DRC11: variants seen among roughly 807,000 people sequenced by gnomAD.
The protein encoded by DRC11 is IQ and AAA domain-containing protein 1.
chr2:236,349,466 G>A, the DRC11 span, among the ~76,000 whole-genome samples: 3 of 152,010 alleles, frequency 2.0e-5, no homozygotes, highest in Admixed American at 1.3e-4. This position sits in a 1 kb window ranked among gnomAD's most constrained non-coding sequence, Gnocchi z 5.5. Context: ...AACCATCTTC[G>A]CATCAACAAC....
the DRC11 span, among the ~76,000 whole-genome samples, chr2:236,360,107 C>G: frequency 6.6e-6 from 1 of 152,154 alleles, no homozygotes; most frequent in Non-Finnish European, 1.5e-5. The surrounding 1 kb of genome is among the most constrained non-coding windows in gnomAD (Gnocchi z 5.8). Flanking sequence ...CATCCTTGCT[C>G]TGTCCTAGAT....
chr2:236,449,006 C>T, the DRC11 span, among the ~76,000 whole-genome samples: 24 of 151,778 alleles, frequency 1.6e-4, no homozygotes, highest in African/African-American at 5.3e-4. This position sits in a 1 kb window ranked among gnomAD's most constrained non-coding sequence, Gnocchi z 5.1. Context: ...ATTATAGGTG[C>T]GTGCCACCAC....
the DRC11 span, among the ~76,000 whole-genome samples, chr2:236,462,414 G>C: frequency 6.6e-6 from 1 of 152,210 alleles, no homozygotes; most frequent in African/African-American, 2.4e-5. The surrounding 1 kb of genome is among the most constrained non-coding windows in gnomAD (Gnocchi z 6.4). Flanking sequence ...GCTCATGCCT[G>C]TAATCCCAGA....
the DRC11 span, among the ~76,000 whole-genome samples, chr2:236,317,297 G>A: frequency 2.0e-5 from 3 of 150,248 alleles, no homozygotes; most frequent in African/African-American, 2.5e-5. The surrounding 1 kb of genome is among the most constrained non-coding windows in gnomAD (Gnocchi z 5.4). Flanking sequence ...TCCATATCGG[G>A]GGAAAAAAAA....
chr2:236,491,151 TACAC>T, the DRC11 span, among the ~76,000 whole-genome samples: 2 of 72,808 alleles, frequency 2.7e-5, no homozygotes, highest in Non-Finnish European at 5.4e-5. Flanking sequence ...AGTATATATA[TACAC>T]ACAGTATATA....
At chr2:236,326,749 CTAG>C in the DRC11 span, among the ~76,000 whole-genome samples, 1 of 151,382 alleles carries the variant, frequency 6.6e-6, no homozygotes. Flanking sequence ...GTATTTAGCA[CTAG>C]ATTTCCTAAA....
chr2:236,318,617 T>C, the DRC11 span, among the ~76,000 whole-genome samples: 2 of 149,232 alleles, frequency 1.3e-5, no homozygotes, highest in African/African-American at 5.1e-5. The surrounding 1 kb of genome is among the most constrained non-coding windows in gnomAD (Gnocchi z 7.0). Context: ...GTACAGCATG[T>C]GGTGTGCATA....
the DRC11 span, among the ~76,000 whole-genome samples, chr2:236,496,905 AC>A: frequency 5.9e-5 from 9 of 152,288 alleles, no homozygotes; most frequent in East Asian, 1.7e-3. The surrounding 1 kb of genome is among the most constrained non-coding windows in gnomAD (Gnocchi z 6.3). Context: ...GGCAGACACT[AC>A]GATGTCAGGT....
chr2:236,356,468 C>T, the DRC11 span, among the ~76,000 whole-genome samples: 9 of 152,294 alleles, frequency 5.9e-5, no homozygotes, highest in East Asian at 1.9e-4. Flanking sequence ...CATGCGGAGC[C>T]GATGCTTCCC....
At chr2:236,327,373 A>G in the DRC11 span, among the ~76,000 whole-genome samples, 2 of 151,566 alleles carry the variant, frequency 1.3e-5, no homozygotes, top group African/African-American at 4.8e-5. Flanking sequence ...CTCCTGCCTC[A>G]GCCCGGGACT....
the DRC11 span, among the ~76,000 whole-genome samples, chr2:236,356,393 C>T: frequency 3.9e-5 from 6 of 152,132 alleles, no homozygotes; most frequent in Non-Finnish European, 7.4e-5. Context: ...CCCAGCAGAC[C>T]CGCTGGCCCA....
the DRC11 span, among the ~76,000 whole-genome samples, chr2:236,357,072 A>G: frequency 1.0e-5 from 1 of 99,226 alleles, no homozygotes; most frequent in Non-Finnish European, 2.2e-5. Flanking sequence ...ATATTCATAT[A>G]TTATATATCT....
the DRC11 span, among the ~76,000 whole-genome samples, chr2:236,423,412 A>G: frequency 1.3e-5 from 2 of 152,250 alleles, no homozygotes; most frequent in African/African-American, 4.8e-5. Flanking sequence ...ACACTTCTCA[A>G]AAGAAGACAT....
At chr2:236,449,577 T>G in the DRC11 span, among the ~76,000 whole-genome samples, 2 of 152,196 alleles carry the variant, frequency 1.3e-5, no homozygotes, top group Non-Finnish European at 2.9e-5. The surrounding 1 kb of genome is among the most constrained non-coding windows in gnomAD (Gnocchi z 5.1). Context: ...TCGGAGGCTG[T>G]GTGCCTGCCT....
chr2:236,404,454 T>G, the DRC11 span, among the ~76,000 whole-genome samples: 10 of 152,276 alleles, frequency 6.6e-5, no homozygotes, highest in Non-Finnish European at 1.2e-4. Flanking sequence ...CCTTCCTGAC[T>G]CCTATCCCCA....
chr2:236,461,021 A>G, the DRC11 span, among the ~76,000 whole-genome samples: 1 of 152,084 alleles, frequency 6.6e-6, no homozygotes, highest in Non-Finnish European at 1.5e-5. This position sits in a 1 kb window ranked among gnomAD's most constrained non-coding sequence, Gnocchi z 4.0. Context: ...CTCTCAAAGT[A>G]TAGGGATTAC....
chr2:236,452,574 C>T, the DRC11 span, among the ~76,000 whole-genome samples: 1 of 152,202 alleles, frequency 6.6e-6, no homozygotes, highest in Non-Finnish European at 1.5e-5. The surrounding 1 kb of genome is among the most constrained non-coding windows in gnomAD (Gnocchi z 4.7). Context: ...AGGCAATTGA[C>T]TGCACATGGA....
chr2:236,467,523 G>A, the DRC11 span, among the ~76,000 whole-genome samples: 1 of 152,156 alleles, frequency 6.6e-6, no homozygotes, highest in Admixed American at 6.5e-5. Context: ...TATATTCCCA[G>A]AATAGTTTCT....
chr2:236,424,488 G>A, the DRC11 span, among the ~76,000 whole-genome samples: 10 of 152,058 alleles, frequency 6.6e-5, no homozygotes, highest in East Asian at 1.9e-4. Flanking sequence ...CTGTTAACTA[G>A]CCAAGAAGAT....
Sources: gnomAD v4.1 joint callset for allele counts (sites outside exome capture counted in the v4.1 genomes callset) on GRCh38, gnomAD v4.1.1 for gene constraint, Gnocchi (gnomAD v3.1) non-coding constraint, MANE v1.5 for transcripts, NCBI Gene and HGNC (gene_info 2026-07-23, HGNC 2026-07-21) for gene names.